SPIRE1: variants seen among roughly 807,000 people sequenced by gnomAD.
The protein encoded by SPIRE1 is spire type actin nucleation factor 1, also known as protein spire homolog 1.
SPIRE1 carries 40 observed loss-of-function variants against 94.1 expected under a neutral mutation model. The ratio of observed to expected loss-of-function variants is 0.43; its 90% CI spans 0.33 to 0.55. The LOEUF is 0.55. Ranked by LOEUF, SPIRE1 falls within the 20% of genes least tolerant of loss-of-function variation. SPIRE1 has a pLI of 0.06. For synonymous variants in SPIRE1, 376 were observed against 371.7 expected (o/e 1.01, Z -0.13); for missense variants, 838 against 975.2 (o/e 0.86, Z 1.87).
intron 7 of SPIRE1, among the ~76,000 whole-genome samples, chr18:12,494,350 C>T (rs530988562): frequency 6.6e-6 from 1 of 152,066 alleles, no homozygotes; most frequent in Non-Finnish European, 1.5e-5. Flanking sequence ...CTCAGAGATA[C>T]GTGGCTGCTA....
chr18:12,456,065 C>A (rs1191705367), intron 12 of SPIRE1, among the ~76,000 whole-genome samples: 1 of 152,128 alleles, frequency 6.6e-6, no homozygotes, highest in Non-Finnish European at 1.5e-5. Flanking sequence ...TGGGAAAAAT[C>A]CTGCATTTGA....
At chr18:12,593,120 G>A (rs753455500) in intron 2 of SPIRE1, among the ~76,000 whole-genome samples, 1 of 152,160 alleles carries the variant, frequency 6.6e-6, no homozygotes, top group South Asian at 2.1e-4. Context: ...TTTTAAATTG[G>A]TTTAAACTAT....
At chr18:12,586,516 T>A (rs1439606481) in intron 2 of SPIRE1, among the ~76,000 whole-genome samples, 1 of 152,176 alleles carries the variant, frequency 6.6e-6, no homozygotes, top group Non-Finnish European at 1.5e-5. Flanking sequence ...GTCACAGAAA[T>A]ACTTAAACTA....
At chr18:12,560,450 A>G (rs2035648427) in intron 2 of SPIRE1, among the ~76,000 whole-genome samples, 1 of 152,256 alleles carries the variant, frequency 6.6e-6, no homozygotes, top group Non-Finnish European at 1.5e-5. Flanking sequence ...GAATGGAACT[A>G]TGTGTCATTA....
At chr18:12,632,222 A>T (rs2037800657) in intron 2 of SPIRE1, among the ~76,000 whole-genome samples, 1 of 152,170 alleles carries the variant, frequency 6.6e-6, no homozygotes, top group African/African-American at 2.4e-5. Flanking sequence ...GGTCTCAGAG[A>T]CCACAGAGCC....
intron 7 of SPIRE1, among the ~76,000 whole-genome samples, chr18:12,494,645 C>G (rs564687854): frequency 4.0e-5 from 6 of 150,200 alleles, no homozygotes; most frequent in African/African-American, 9.8e-5. Flanking sequence ...CTGGCTAACA[C>G]GGTGAAACCC....
chr18:12,599,208 A>G (rs1196784542), intron 2 of SPIRE1, among the ~76,000 whole-genome samples: 1 of 152,174 alleles, frequency 6.6e-6, no homozygotes, highest in Non-Finnish European at 1.5e-5. Flanking sequence ...TCTTTGTACT[A>G]TCCTTCCTAA....
At chr18:12,517,653 C>G (rs2034235295) in intron 4 of SPIRE1, among the ~76,000 whole-genome samples, 1 of 152,128 alleles carries the variant, frequency 6.6e-6, no homozygotes, top group African/African-American at 2.4e-5. Flanking sequence ...TCTGACATTA[C>G]CATTCTCAAG....
intron 2 of SPIRE1, among the ~76,000 whole-genome samples, chr18:12,615,907 A>G (rs1157642922): frequency 2.0e-5 from 3 of 152,222 alleles, no homozygotes; most frequent in Non-Finnish European, 2.9e-5. Context: ...TCCTTCTCAT[A>G]AGAATCTCCT....
intron 2 of SPIRE1, among the ~76,000 whole-genome samples, chr18:12,623,296 GGCGCCCGCCACCACGC>G (rs2037528114): frequency 3.3e-5 from 5 of 151,900 alleles, no homozygotes; most frequent in Non-Finnish European, 7.4e-5. Context: ...TGGGACTACA[GGCGCCCGCCACCACGC>G]CTGGCTGATT....
At chr18:12,470,481 A>G (rs2032310236) in intron 10 of SPIRE1, among the ~76,000 whole-genome samples, 1 of 152,180 alleles carries the variant, frequency 6.6e-6, no homozygotes, top group Admixed American at 6.5e-5. Flanking sequence ...ATTGCTTAAA[A>G]TGAATCTTCT....
At chr18:12,498,879 T>C (rs578667) in intron 6 of SPIRE1, among the ~76,000 whole-genome samples, 69,889 of 152,012 alleles carry the variant, frequency 0.46, 17,896 homozygotes, top group African/African-American at 0.7. Context: ...CACTTGGCCT[T>C]CCAGTGTTGG....
rs539390435 is a variant in SPIRE1, at chr18:12,494,935, A to C, written c.1059+1081T>G. Among the ~76,000 whole-genome samples the C allele has an allele frequency of 8.6e-5, 13 of 150,338 alleles. No individual in the cohort carries two copies. The South Asian group carries it at 2.3e-3, about 27-fold the overall frequency. ...CGTGGTGGCAGGTGCCTGTAGTCCC[A>C]GCTACTCGGGAGGCTGAGGCAGGAG... On this transcript the variant is annotated intron_variant, in intron 7 of 16. Transcript: ENST00000409402.
intron 4 of SPIRE1, among the ~76,000 whole-genome samples, chr18:12,529,612 C>T (rs28516058): frequency 0.12 from 18,808 of 152,140 alleles, 1,432 homozygotes; most frequent in East Asian, 0.32. Flanking sequence ...CAACCCACAC[C>T]TGTAGAGCCT....
intron 4 of SPIRE1, among the ~76,000 whole-genome samples, chr18:12,520,167 T>C (rs1381106002): frequency 6.6e-6 from 1 of 152,058 alleles, no homozygotes; most frequent in Non-Finnish European, 1.5e-5. Flanking sequence ...AAGGAAAGTT[T>C]AAAAGTGAAA....
intron 2 of SPIRE1, among the ~76,000 whole-genome samples, chr18:12,621,345 G>A (rs757219530): frequency 6.6e-6 from 1 of 152,178 alleles, no homozygotes; most frequent in African/African-American, 2.4e-5. Flanking sequence ...AGAGTTACCA[G>A]TTTACTCAGA....
At chr18:12,635,579 T>C (rs1265706463) in intron 1 of SPIRE1, among the ~76,000 whole-genome samples, 3 of 152,206 alleles carry the variant, frequency 2.0e-5, no homozygotes, top group Non-Finnish European at 4.4e-5. Flanking sequence ...TGTTTTTCTT[T>C]AATATATGAT....
rs963371142 is a variant in SPIRE1 at position 12,610,972 on chromosome 18, G to A, written c.372+24090C>T. Among the ~76,000 whole-genome samples the A allele has an allele frequency of 1.5e-4, 23 of 151,372 alleles. 1 individual carries two copies. The East Asian group carries it at 3.9e-3, about 26-fold the overall frequency. ...GACTACCCTCATCCTGTGCAAAGCC[G>A]AGTCCCCATTCCTTTACTTATGCTC... On this transcript the variant is annotated intron_variant, in intron 2 of 16. Transcript: ENST00000409402.
At chr18:12,557,263 A>G (rs897034937) in intron 2 of SPIRE1, among the ~76,000 whole-genome samples, 2 of 152,190 alleles carry the variant, frequency 1.3e-5, no homozygotes, top group Non-Finnish European at 2.9e-5. Context: ...GACAGGGCTC[A>G]GGCATGGCAG....
Sources: allele counts gnomAD v4.1 joint callset (sites outside exome capture counted in the v4.1 genomes callset), GRCh38; gene constraint gnomAD v4.1.1; transcripts MANE v1.5; gene names NCBI Gene and HGNC (gene_info 2026-07-23, HGNC 2026-07-21).